Variants in PDS5A observed in about 807,000 individuals in gnomAD.
PDS5A encodes PDS5 cohesin associated factor A, also known as sister chromatid cohesion protein PDS5 homolog A.
A neutral mutation model predicts 167.1 loss-of-function variants in PDS5A; 42 were observed. The ratio of observed to expected loss-of-function variants is 0.25; its 90% confidence interval spans 0.20 to 0.33. The LOEUF is 0.33. PDS5A is among the 10% of genes least tolerant of loss of function. The pLI is 1.00. For synonymous variants in PDS5A, 553 were observed against 554.6 expected (o/e 1.00, Z 0.04); for missense variants, 1,033 against 1,605.9 (o/e 0.64, Z 6.10).
Position 39,898,806 on chromosome 4 carries a change from G to T in PDS5A, c.1601C>A (p.Ala534Asp). ...KQPTSEANCSAMFGKLMTIAK... is the reference protein window; with the variant it reads ...KQPTSEANCSDMFGKLMTIAK... ...TATGGTCATCAGTTTTCCAAACATG[G>T]CAGAACAGTTAGCCTCTGACTGAAA... The change falls in exon 15 of 33, where the codon GCC becomes GAC. Residue 534 changes from alanine to aspartate, a missense_variant. This residue lies in a region of PDS5A where 45 missense variants were observed against 40.2 expected (regional missense o/e 1.12). Coordinates refer to ENST00000303538, the MANE Select transcript of PDS5A (RefSeq NM_001100399.2). The T allele has an allele frequency of 1.3e-6, 2 of 1,591,052 alleles. No individual in the cohort carries two copies. The highest frequency in any genetic ancestry group is 1.1e-5 in the South Asian group (1 of 87,756).
At chr4:39,951,791 TCAGGAGG>T (rs1728408338) in intron 2 of PDS5A, among the ~76,000 whole-genome samples, 1 of 149,392 alleles carries the variant, frequency 6.7e-6, no homozygotes, top group Non-Finnish European at 1.5e-5. Flanking sequence ...TCCCAGCTAC[TCAGGAGG>T]CTGAGGCAGG....
At chr4:39,936,482 T>A (rs1726618007) in intron 2 of PDS5A, among the ~76,000 whole-genome samples, 1 of 152,214 alleles carries the variant, frequency 6.6e-6, no homozygotes. Context: ...TCACCCAGGC[T>A]GGAGTGCAGT....
At chr4:39,883,041 CTCT>C (rs1291639731) in intron 17 of PDS5A, among the ~76,000 whole-genome samples, 1 of 152,122 alleles carries the variant, frequency 6.6e-6, no homozygotes, top group East Asian at 1.9e-4. Flanking sequence ...TTCTAACCTC[CTCT>C]AATTTGTGTG....
At position 39,902,334 on chromosome 4, in the gene PDS5A, A is replaced by G. The variant is rs1156813080; in HGVS notation, c.1499+13T>C. 1.7e-6 allele frequency: 2 copies of G among 1,185,282 alleles called. No homozygotes were observed. The highest frequency in any genetic ancestry group is 1.3e-5 in the South Asian group (1 of 74,350). 73.4% of individuals were successfully genotyped at this position (1,185,282 alleles called of 1,614,324 possible). A position where few individuals can be genotyped will look rare whatever the true frequency, so the allele number is the denominator to read the frequency against. ...CCTTAGAAAATACAGCAGTTATTTG[A>G]AAAGTAACTTACTTTACAGCATTTG... On this transcript the variant is annotated intron_variant, in intron 13 of 32. Transcript: ENST00000303538.
At chr4:39,949,600 G>T (rs1022593719) in intron 2 of PDS5A, among the ~76,000 whole-genome samples, 2 of 151,728 alleles carry the variant, frequency 1.3e-5, no homozygotes, top group African/African-American at 4.8e-5. Context: ...TCTGAGGCAG[G>T]TGGATGGATC....
At chr4:39,855,770 A>G (rs1470555171) in intron 26 of PDS5A, among the ~76,000 whole-genome samples, 1 of 152,210 alleles carries the variant, frequency 6.6e-6, no homozygotes, top group African/African-American at 2.4e-5. Context: ...CCTGTAGACA[A>G]GGCAATTGAA....
At chr4:39,878,249 G>A (rs540175845) in intron 18 of PDS5A, among the ~76,000 whole-genome samples, 2 of 152,116 alleles carry the variant, frequency 1.3e-5, no homozygotes, top group Admixed American at 1.3e-4. Context: ...TTACTTACGT[G>A]GTTTTAATTA....
chr4:39,958,303 T>TCA, intron 2 of PDS5A, among the ~76,000 whole-genome samples: 1 of 151,962 alleles, frequency 6.6e-6, no homozygotes, highest in East Asian at 2.0e-4. Context: ...GGTCAGGAGT[T>TCA]CAAGGTCAGC....
intron 13 of PDS5A, 77 bp downstream of exon 13, chr4:39,902,270 T>C: frequency 1.6e-6 from 1 of 640,860 alleles, no homozygotes; most frequent in South Asian, 2.2e-5. Flanking sequence ...ATCCAATCAA[T>C]AACAACTAAT....
At chr4:39,930,021 C>A (rs1281775215) in intron 2 of PDS5A, among the ~76,000 whole-genome samples, 1 of 150,768 alleles carries the variant, frequency 6.6e-6, no homozygotes, top group Non-Finnish European at 1.5e-5. Flanking sequence ...CGAGACCATC[C>A]TGGCCAACAC....
chr4:39,836,541 T>A (rs571452882), intron 32 of PDS5A, among the ~76,000 whole-genome samples: 1 of 151,802 alleles, frequency 6.6e-6, no homozygotes, highest in South Asian at 2.1e-4. Context: ...CTCAAGTGAT[T>A]CTTCTGTCTC....
intron 17 of PDS5A, among the ~76,000 whole-genome samples, chr4:39,888,684 GAAC>G (rs1179518401): frequency 1.6e-5 from 2 of 122,406 alleles, no homozygotes; most frequent in South Asian, 2.4e-4. Flanking sequence ...AACAAGCCAA[GAAC>G]AACAAAAAAA....
chr4:39,900,167 G>A (rs1263344378), intron 14 of PDS5A, among the ~76,000 whole-genome samples: 2 of 151,926 alleles, frequency 1.3e-5, no homozygotes, highest in Admixed American at 1.3e-4. Context: ...TTTGAAAATT[G>A]ATTAACTATA....
intron 8 of PDS5A, among the ~76,000 whole-genome samples, chr4:39,914,808 G>T (rs1374377146): frequency 6.6e-6 from 1 of 151,902 alleles, no homozygotes; most frequent in Non-Finnish European, 1.5e-5. Flanking sequence ...ATTTTTTTTA[G>T]GTGTTCAAAT....
rs567784544 is a variant in PDS5A, at chr4:39,977,436, C to G, written c.-41+21G>C. On this transcript the variant is annotated intron_variant, in intron 1 of 32. Transcript: ENST00000303538. This position sits in a 1 kb window ranked among gnomAD's most constrained non-coding sequence, Gnocchi z 4.2. Reference sequence around the variant, plus strand: ...TCCCTCCAGCAGCCTAGGGCGGGAGCCGAGCCGCCGCCGCCTTTACCTCCT... The same window carrying G: ...TCCCTCCAGCAGCCTAGGGCGGGAGGCGAGCCGCCGCCGCCTTTACCTCCT... 3 of 153,682 alleles carry G rather than the reference C, an allele frequency of 2.0e-5. No homozygotes were observed. Among genetic ancestry groups the G allele is most frequent in the East Asian group, 3.9e-4 (2 of 5,160 alleles). 9.5% of individuals were successfully genotyped at this position (153,682 alleles called of 1,614,324 possible).
intron 18 of PDS5A, among the ~76,000 whole-genome samples, chr4:39,878,149 A>G (rs1448669014): frequency 6.6e-6 from 1 of 152,168 alleles, no homozygotes; most frequent in African/African-American, 2.4e-5. Context: ...GAATGAGCAG[A>G]TGGTCTTCAT....
chr4:39,867,107 T>C, intron 22 of PDS5A, 110 bp from the exon 23 acceptor site: 2 of 830,462 alleles, frequency 2.4e-6, no homozygotes. Context: ...GCAGACATTT[T>C]ATTAAATAAG....
chr4:39,872,962 A>G, intron 21 of PDS5A, 24 bp downstream of exon 21: 1 of 1,378,800 alleles, frequency 7.3e-7, no homozygotes, highest in Non-Finnish European at 9.8e-7. Context: ...CATGATTCTC[A>G]ATTTAATTAA....
chr4:39,861,277 A>T (rs1377911858), intron 26 of PDS5A, among the ~76,000 whole-genome samples: 1 of 151,102 alleles, frequency 6.6e-6, no homozygotes, highest in East Asian at 2.0e-4. Context: ...ACATGGTAAA[A>T]CTCCATCTCT....
Sources: allele counts gnomAD v4.1 joint callset (sites outside exome capture counted in the v4.1 genomes callset), GRCh38; gene constraint gnomAD v4.1.1; regional missense constraint gnomAD v4.1.1; non-coding constraint Gnocchi (gnomAD v3.1); transcripts MANE v1.5; gene names NCBI Gene and HGNC (gene_info 2026-07-23, HGNC 2026-07-21).